Variants in RNGTT observed in about 807,000 individuals in gnomAD.
The protein encoded by RNGTT is mRNA-capping enzyme.
RNGTT carries 33 observed loss-of-function variants against 79.3 expected under a neutral mutation model. The ratio of observed to expected loss-of-function variants is 0.42; its 90% CI spans 0.32 to 0.56. The LOEUF (loss-of-function observed/expected upper bound fraction) is 0.56. RNGTT is among the 20% of genes least tolerant of loss of function. The probability of loss-of-function intolerance (pLI) is 0.17; values close to 1 mark genes in which losing one functional copy is unlikely to be tolerated. For missense variants in RNGTT, 497 were observed against 739.1 expected, an observed-to-expected ratio of 0.67 and a Z score of 3.80; for synonymous variants, 222 against 235.9, an observed-to-expected ratio of 0.94 and a Z score of 0.54.
chr6:88,718,536 T>A (rs1455983454), intron 13 of RNGTT, among the ~76,000 whole-genome samples: 2 of 152,132 alleles, frequency 1.3e-5, no homozygotes, highest in Non-Finnish European at 2.9e-5. Context: ...TACTGATCTT[T>A]TAATTCAAGC....
chr6:88,638,835 A>G (rs1189511925), intron 14 of RNGTT, among the ~76,000 whole-genome samples: 3 of 152,150 alleles, frequency 2.0e-5, no homozygotes, highest in Non-Finnish European at 4.4e-5. Flanking sequence ...GCAATAAGTT[A>G]TTTGCCACAC....
At chr6:88,770,595 T>C (rs1359460178) in intron 12 of RNGTT, among the ~76,000 whole-genome samples, 6 of 152,184 alleles carry the variant, frequency 3.9e-5, no homozygotes, top group South Asian at 2.1e-4. Flanking sequence ...TCATGAATGA[T>C]GCTGCTCTGA....
At chr6:88,674,329 T>C (rs2756401) in intron 14 of RNGTT, among the ~76,000 whole-genome samples, 40,575 of 152,006 alleles carry the variant, frequency 0.27, 9,504 homozygotes, top group African/African-American at 0.63. Context: ...GGGTGGATCA[T>C]TTGAGTCCAG....
intron 13 of RNGTT, among the ~76,000 whole-genome samples, chr6:88,747,823 C>T (rs1352688752): frequency 6.6e-6 from 1 of 152,192 alleles, no homozygotes; most frequent in Non-Finnish European, 1.5e-5. Context: ...TGGCCCATGA[C>T]TCACAGAAGC....
intron 4 of RNGTT, among the ~76,000 whole-genome samples, chr6:88,922,540 T>G (rs970125943): frequency 2.6e-5 from 4 of 152,066 alleles, no homozygotes; most frequent in African/African-American, 9.7e-5. Flanking sequence ...AAAAATTTTT[T>G]TTTTTGAGAT....
intron 4 of RNGTT, among the ~76,000 whole-genome samples, chr6:88,909,907 GA>G (rs979467134): frequency 1.5e-4 from 23 of 151,416 alleles, no homozygotes; most frequent in African/African-American, 5.6e-4. Context: ...ACCCAGAAAT[GA>G]AGCCAACTGA....
chr6:88,767,685 A>T (rs1461166811), intron 13 of RNGTT, among the ~76,000 whole-genome samples: 1 of 139,302 alleles, frequency 7.2e-6, no homozygotes, highest in Admixed American at 6.9e-5. Flanking sequence ...TGTCAAAAAA[A>T]AAAAAAAAAA....
At chr6:88,878,337 TCCAC>T (rs1464449046) in intron 8 of RNGTT, among the ~76,000 whole-genome samples, 1 of 152,082 alleles carries the variant, frequency 6.6e-6, no homozygotes, top group Admixed American at 6.6e-5. Context: ...CCTGAAGTGA[TCCAC>T]CCACCTCGGC....
chr6:88,963,473 C>T lies in RNGTT; in HGVS notation c.-64G>A. 1 of 1,474,900 alleles carries T rather than the reference C, an allele frequency of 6.8e-7. No homozygotes were observed. The highest frequency in any genetic ancestry group is 1.3e-5 in the South Asian group (1 of 76,440). The allele number at this position is 1,474,900 out of a possible 1,614,324, so 91.4% of individuals were successfully genotyped here. ...TTCACCGCGCCTTTGGAGCCGCCTC[C>T]CCGTGGTCCGGTGCACACCGGGGTC... is the stretch of plus-strand genomic sequence containing the variant. On this transcript the variant is annotated 5_prime_UTR_variant, in exon 1 of 16. Coordinates refer to ENST00000369485, the MANE Select transcript of RNGTT (RefSeq NM_003800.5).
At chr6:88,788,506 G>A (rs1029370251) in intron 12 of RNGTT, among the ~76,000 whole-genome samples, 1 of 152,104 alleles carries the variant, frequency 6.6e-6, no homozygotes, top group African/African-American at 2.4e-5. Flanking sequence ...GAGATGACTG[G>A]CGACCTTTCA....
chr6:88,650,563 CTG>C (rs59655963), intron 14 of RNGTT, among the ~76,000 whole-genome samples: 3,755 of 152,178 alleles, frequency 0.025, 139 homozygotes, highest in African/African-American at 0.085. Flanking sequence ...AAATGAGAAA[CTG>C]TTTTCACTGA....
intron 14 of RNGTT, among the ~76,000 whole-genome samples, chr6:88,625,309 T>C (rs1224478033): frequency 6.6e-6 from 1 of 151,916 alleles, no homozygotes; most frequent in Non-Finnish European, 1.5e-5. Context: ...TTTGTGACCA[T>C]CCAAAACTGG....
intron 11 of RNGTT, among the ~76,000 whole-genome samples, chr6:88,806,355 T>G (rs1779954152): frequency 6.6e-6 from 1 of 150,654 alleles, no homozygotes; most frequent in African/African-American, 2.4e-5. Context: ...TCTCACTCTG[T>G]CGCCCAGGCT....
chr6:88,891,950 A>G (rs1220848432), intron 6 of RNGTT, 35 bp from the exon 7 acceptor site: 2 of 1,357,898 alleles, frequency 1.5e-6, no homozygotes, highest in East Asian at 2.5e-5. Flanking sequence ...AAGGGAAAGA[A>G]AAATATTTTA....
chr6:88,775,401 C>A (rs1160077181), intron 12 of RNGTT, among the ~76,000 whole-genome samples: 3 of 152,192 alleles, frequency 2.0e-5, no homozygotes, highest in Non-Finnish European at 4.4e-5. Flanking sequence ...ACTCCCCCAT[C>A]CTCAGCACTG....
At chr6:88,791,695 A>G (rs1779420276) in intron 12 of RNGTT, among the ~76,000 whole-genome samples, 1 of 151,758 alleles carries the variant, frequency 6.6e-6, no homozygotes, top group Admixed American at 6.6e-5. Context: ...GCCCACCACC[A>G]CACCCGGCTA....
chr6:88,745,932 G>C (rs1422029943), intron 13 of RNGTT, among the ~76,000 whole-genome samples: 1 of 152,078 alleles, frequency 6.6e-6, no homozygotes, highest in Non-Finnish European at 1.5e-5. Context: ...GCCCTGCTTT[G>C]TGATACAAGA....
At chr6:88,940,898 C>T (rs1784823680) in intron 2 of RNGTT, among the ~76,000 whole-genome samples, 173 bp downstream of exon 2, 1 of 152,152 alleles carries the variant, frequency 6.6e-6, no homozygotes, top group African/African-American at 2.4e-5. Flanking sequence ...TATAAAATGA[C>T]ACCATTGTGA....
chr6:88,920,987 G>A (rs1425813300), intron 4 of RNGTT, among the ~76,000 whole-genome samples: 1 of 152,174 alleles, frequency 6.6e-6, no homozygotes, highest in African/African-American at 2.4e-5. Context: ...TGTATTGCCA[G>A]TTATTTCTTA....
Sources: allele counts gnomAD v4.1 joint callset (sites outside exome capture counted in the v4.1 genomes callset), GRCh38; gene constraint gnomAD v4.1.1; transcripts MANE v1.5; gene names NCBI Gene and HGNC (gene_info 2026-07-23, HGNC 2026-07-21).